The following GSE1 variants were observed in gnomAD, a reference collection of about 807,000 sequenced individuals.
GSE1 encodes the protein Gse1 coiled-coil protein, also known as genetic suppressor element 1.
A neutral mutation model predicts 112.6 loss-of-function variants in GSE1; 32 were observed. The observed-to-expected ratio is 0.28, with a 90% CI of 0.21 to 0.38. The LOEUF (loss-of-function observed/expected upper bound fraction) is 0.38, where lower values mean the gene tolerates loss of function less well. Among genes scored for constraint, GSE1 ranks in the 10% least tolerant of loss-of-function variants. GSE1 has a pLI of 1.00. For synonymous variants in GSE1, 1,115 were observed against 735.6 expected (o/e 1.52, Z -8.35); for missense variants, 2,348 against 1,699.2 (o/e 1.38, Z -6.71).
intron 2 of GSE1, among the ~76,000 whole-genome samples, chr16:85,383,357 A>G (rs1398303439): frequency 6.6e-6 from 1 of 151,522 alleles, no homozygotes; most frequent in African/African-American, 2.4e-5. Context: ...CCTGCACCCA[A>G]TAGACAGCTG....
rs371521701 is a variant in GSE1, at chr16:85,277,879, G to A, written c.2284-79584G>A. On this transcript the variant is annotated intron_variant, in intron 1 of 2. Coordinates refer to the GSE1 transcript ENST00000637419. ...CCAGCTGCTGCTGGGCCTCTGCCTG[G>A]GACTGGCCTGTGGATTCCTCCTGGC... Among the ~76,000 whole-genome samples the A allele has an allele frequency of 7.1e-4, 108 of 152,350 alleles. No homozygotes were observed. The South Asian group carries it at 0.021, about 29-fold the overall frequency.
intron 3 of GSE1, among the ~76,000 whole-genome samples, chr16:85,653,883 G>T (rs962914744): frequency 1.3e-5 from 2 of 152,180 alleles, no homozygotes; most frequent in Non-Finnish European, 2.9e-5. Context: ...GGGTGCCAAC[G>T]GTGTCTGCTT....
intron 1 of GSE1, among the ~76,000 whole-genome samples, chr16:85,212,783 G>A (rs1812039916): frequency 6.6e-6 from 1 of 152,210 alleles, no homozygotes; most frequent in Non-Finnish European, 1.5e-5. Flanking sequence ...CAGCTGTGTA[G>A]GAAGAGGGGG....
At chr16:85,637,838 C>A (rs1204927729) in intron 2 of GSE1, among the ~76,000 whole-genome samples, 1 of 152,192 alleles carries the variant, frequency 6.6e-6, no homozygotes, top group East Asian at 1.9e-4. Context: ...AGCACCAAGC[C>A]CCAGCGGGCT....
Position 85,624,133 on chromosome 16 carries a change from G to C in GSE1, c.8-9781G>C, listed in dbSNP as rs565446866. Among the ~76,000 whole-genome samples the C allele has an allele frequency of 1.5e-4, 23 of 152,270 alleles. No individual in the cohort carries two copies. In the Middle Eastern group the frequency reaches 0.014, roughly 90 times the overall value. On this transcript the variant is annotated intron_variant, in intron 1 of 15. Coordinates refer to ENST00000253458, the MANE Select transcript of GSE1 (RefSeq NM_014615.5). ...CTCTTCCTGCTGGCCCATGCCCCCC[G>C]GCCGCCACCCGCCGTCCCACGGAAA...
chr16:85,265,798 C>T (rs936383046), intron 1 of GSE1, among the ~76,000 whole-genome samples: 2 of 152,142 alleles, frequency 1.3e-5, no homozygotes, highest in Admixed American at 1.3e-4. Flanking sequence ...GGGGTCCAGG[C>T]TTGTGTGACG....
At chr16:85,225,268 A>G (rs1206496922) in intron 1 of GSE1, among the ~76,000 whole-genome samples, 1 of 152,216 alleles carries the variant, frequency 6.6e-6, no homozygotes, top group Non-Finnish European at 1.5e-5. Context: ...GGACTGCCCC[A>G]TAGATTCTGT....
chr16:85,315,247 A>G (rs1161172616), intron 1 of GSE1, among the ~76,000 whole-genome samples: 1 of 152,178 alleles, frequency 6.6e-6, no homozygotes, highest in Non-Finnish European at 1.5e-5. Context: ...GAGGCCACAC[A>G]GCTCTGCCCC....
chr16:85,403,633 A>T (rs375627143), intron 2 of GSE1, among the ~76,000 whole-genome samples: 73 of 152,020 alleles, frequency 4.8e-4, no homozygotes, highest in African/African-American at 1.8e-3. Flanking sequence ...CTACAAAAAT[A>T]AAAAAACAAA....
intron 1 of GSE1, chr16:85,595,703 C>G (rs1392457430): frequency 6.6e-6 from 1 of 151,914 alleles, no homozygotes. Context: ...CACTCACCCA[C>G]CCATTCATTC....
At chr16:85,596,739 C>T (rs1332063054) in intron 1 of GSE1, among the ~76,000 whole-genome samples, 1 of 152,160 alleles carries the variant, frequency 6.6e-6, no homozygotes, top group Non-Finnish European at 1.5e-5. Context: ...ACGTTCTCTT[C>T]ATCATGGAAA....
chr16:85,400,227 T>C (rs1209592555), intron 2 of GSE1, among the ~76,000 whole-genome samples: 1 of 151,340 alleles, frequency 6.6e-6, no homozygotes, highest in Non-Finnish European at 1.5e-5. Context: ...ATCAAAGAGA[T>C]GGGAAAACAG....
chr16:85,319,573 T>TG (rs946415646), intron 1 of GSE1, among the ~76,000 whole-genome samples: 1 of 152,230 alleles, frequency 6.6e-6, no homozygotes, highest in Non-Finnish European at 1.5e-5. Flanking sequence ...GGCAAGGTTC[T>TG]GGGCAGACAT....
chr16:85,625,791 T>C (rs2049027168), intron 1 of GSE1, among the ~76,000 whole-genome samples: 1 of 152,126 alleles, frequency 6.6e-6, no homozygotes, highest in Non-Finnish European at 1.5e-5. Context: ...GCTTGGGAGA[T>C]GGCTCATTGC....
chr16:85,592,457 A>G (rs2047043424), intron 1 of GSE1: 2 of 151,760 alleles, frequency 1.3e-5, no homozygotes, highest in Non-Finnish European at 2.9e-5. Flanking sequence ...GCCTGTGCAT[A>G]TTTTCTTCAC....
At chr16:85,613,038 C>T (rs2048095332), upstream of GSE1, 2 of 360,326 alleles carry the variant, frequency 5.6e-6, no homozygotes, top group Non-Finnish European at 9.6e-6. Context: ...CCCCGGCTCA[C>T]CTGGCCGGCC....
At chr16:85,549,127 A>G (rs1224302348) in intron 2 of GSE1, among the ~76,000 whole-genome samples, 1 of 151,646 alleles carries the variant, frequency 6.6e-6, no homozygotes, top group Non-Finnish European at 1.5e-5. Flanking sequence ...CTTTCTAAAT[A>G]AGGCCACATT....
chr16:85,519,597 T>TTTAG (rs2052097103), intron 2 of GSE1, among the ~76,000 whole-genome samples: 3 of 119,760 alleles, frequency 2.5e-5, no homozygotes, highest in Non-Finnish European at 5.5e-5. Flanking sequence ...CATCATCACC[T>TTTAG]TCACCACCAT....
intron 1 of GSE1, among the ~76,000 whole-genome samples, chr16:85,304,452 A>G (rs1186564871): frequency 1.3e-5 from 2 of 152,192 alleles, no homozygotes; most frequent in African/African-American, 2.4e-5. Flanking sequence ...GAGGCAGGGT[A>G]GCCCGCCCGC....
Sources: gnomAD v4.1 joint callset for allele counts (sites outside exome capture counted in the v4.1 genomes callset) on GRCh38, gnomAD v4.1.1 for gene constraint, MANE v1.5 for transcripts, NCBI Gene and HGNC (gene_info 2026-07-23, HGNC 2026-07-21) for gene names.